ALDH2: variants seen among roughly 807,000 people sequenced by gnomAD.
ALDH2 encodes aldehyde dehydrogenase 2 family member.
A neutral mutation model predicts 59.6 loss-of-function variants in ALDH2; 44 were observed. That is an observed-to-expected ratio of 0.74 (90% CI 0.58 to 0.95). The LOEUF is 0.95. Among genes scored for constraint, ALDH2 ranks in the 40% least tolerant of loss-of-function variants. The pLI, the probability that ALDH2 is intolerant of heterozygous loss-of-function variation, is 0.00. For missense variants in ALDH2, 570 were observed against 696.3 expected, an observed-to-expected ratio of 0.82 and a Z score of 2.04; for synonymous variants, 291 against 284.0, an observed-to-expected ratio of 1.02 and a Z score of -0.25.
intron 1 of ALDH2, 29 bp from the exon 2 acceptor site, chr12:111,781,889 C>G: frequency 3.9e-6 from 6 of 1,541,400 alleles, no homozygotes; most frequent in Non-Finnish European, 5.4e-6. Context: ...GACAGCTGGT[C>G]CTGAGAACTT....
At chr12:111,786,825 G>T (rs2068313969) in intron 4 of ALDH2, among the ~76,000 whole-genome samples, 1 of 152,098 alleles carries the variant, frequency 6.6e-6, no homozygotes, top group Non-Finnish European at 1.5e-5. Context: ...GGGATTACAG[G>T]CATGAGTTAC....
At chr12:111,781,633 G>T (rs998665514) in intron 1 of ALDH2, among the ~76,000 whole-genome samples, 2 of 152,188 alleles carry the variant, frequency 1.3e-5, no homozygotes, top group Non-Finnish European at 2.9e-5. Flanking sequence ...AAGTTTTAGG[G>T]TGCTTTGTTA....
intron 12 of ALDH2, among the ~76,000 whole-genome samples, chr12:111,808,595 C>T (rs1487733442): frequency 6.6e-6 from 1 of 152,038 alleles, no homozygotes; most frequent in Non-Finnish European, 1.5e-5. Flanking sequence ...GTCCCACCTA[C>T]TCGGGAGGCT....
At chr12:111,807,296 A>C (rs1332280600) in intron 12 of ALDH2, among the ~76,000 whole-genome samples, 5 of 151,834 alleles carry the variant, frequency 3.3e-5, no homozygotes, top group Non-Finnish European at 5.9e-5. Context: ...AAAAAAAAAA[A>C]CAGTAGAATG....
chr12:111,783,863 C>G (rs544604410), intron 3 of ALDH2, among the ~76,000 whole-genome samples: 1 of 152,174 alleles, frequency 6.6e-6, no homozygotes, highest in African/African-American at 2.4e-5. Flanking sequence ...GGGAGAGGAG[C>G]TGTGTCAGGG....
Position 111,811,775 on chromosome 12 carries a change from A to G in ALDH2, c.*2200A>G, listed in dbSNP as rs1225531241. The stretch of plus-strand genomic sequence containing the variant: ...AAGTGTGAGCCACCGTGCCCGGCCA[A>G]CTGTAGGGACCAGCCCCACAGGGTC... On this transcript the variant is annotated 3_prime_UTR_variant, in exon 13 of 13. Coordinates refer to ENST00000261733, the MANE Select transcript of ALDH2 (RefSeq NM_000690.4). 6.5e-6 allele frequency: 1 copy of G among 152,904 alleles called. No individual in the cohort carries two copies. Among genetic ancestry groups the G allele is most frequent in the Non-Finnish European group, 1.5e-5 (1 of 68,612 alleles). 9.5% of individuals were successfully genotyped at this position (152,904 alleles called of 1,614,324 possible). A position where few individuals can be genotyped will look rare whatever the true frequency, so the allele number is the denominator to read the frequency against.
chr12:111,777,798 C>G (rs1389156455), intron 1 of ALDH2, among the ~76,000 whole-genome samples: 1 of 152,204 alleles, frequency 6.6e-6, no homozygotes, highest in African/African-American at 2.4e-5. Context: ...ATTGCCACAC[C>G]TGTCCCCACA....
Position 111,766,938 on chromosome 12 carries a change from C to A in ALDH2, c.-45C>A. 2 of 1,489,048 alleles carry A rather than the reference C, an allele frequency of 1.3e-6. No homozygotes were observed. The highest frequency in any genetic ancestry group is 1.8e-6 in the Non-Finnish European group (2 of 1,118,158). 92.2% of individuals were successfully genotyped at this position (1,489,048 alleles called of 1,614,324 possible). A position where few individuals can be genotyped will look rare whatever the true frequency, so the allele number is the denominator to read the frequency against. Reference sequence around the variant, plus strand: ...GGGGTCGGCTCAGTGGCCCTGAGACCCTAGCTCTGCTCTCGGTCCGCTCGC... The same window carrying A: ...GGGGTCGGCTCAGTGGCCCTGAGACACTAGCTCTGCTCTCGGTCCGCTCGC... On this transcript the variant is annotated 5_prime_UTR_variant, in exon 1 of 13. Coordinates refer to ENST00000261733, the MANE Select transcript of ALDH2 (RefSeq NM_000690.4).
intron 1 of ALDH2, among the ~76,000 whole-genome samples, chr12:111,777,465 CTG>C (rs1482514237): frequency 2.6e-5 from 4 of 152,188 alleles, no homozygotes; most frequent in African/African-American, 9.7e-5. Context: ...TAGTGCTTCT[CTG>C]TACTCTCCTA....
At chr12:111,789,004 C>G (rs1258951944) in intron 4 of ALDH2, among the ~76,000 whole-genome samples, 1 of 147,552 alleles carries the variant, frequency 6.8e-6, no homozygotes, top group African/African-American at 2.5e-5. Flanking sequence ...GACCCTGTTT[C>G]TTTCTTTCTT....
chr12:111,804,022 TCTGCTGGTGGCTCGGAGC>T, intron 12 of ALDH2, 49 bp downstream of exon 12: 1 of 1,412,680 alleles, frequency 7.1e-7, no homozygotes, highest in Admixed American at 2.1e-5. Context: ...GGCTTGAGGG[TCTGCTGGTGGCTCGGAGC>T]CTGCTGGGGG....
intron 5 of ALDH2, 125 bp from the exon 6 acceptor site, chr12:111,790,309 G>A (rs1340607107): frequency 6.5e-6 from 8 of 1,234,860 alleles, no homozygotes; most frequent in South Asian, 1.4e-5. Context: ...GATGGAGTTA[G>A]GGGAGGACAC....
intron 1 of ALDH2, among the ~76,000 whole-genome samples, chr12:111,768,583 A>C (rs2068175820): frequency 6.6e-6 from 1 of 152,202 alleles, no homozygotes; most frequent in Non-Finnish European, 1.5e-5. Context: ...CATGCCTGTA[A>C]ATCCCAGCAT....
chr12:111,780,450 C>T (rs541136552), intron 1 of ALDH2, among the ~76,000 whole-genome samples: 25 of 152,356 alleles, frequency 1.6e-4, no homozygotes, highest in African/African-American at 6.0e-4. Flanking sequence ...TTTCTCAAAT[C>T]TACCAGACTT....
At chr12:111,809,037 C>G (rs2068516916) in intron 12 of ALDH2, among the ~76,000 whole-genome samples, 2 of 152,088 alleles carry the variant, frequency 1.3e-5, no homozygotes, top group Non-Finnish European at 2.9e-5. Flanking sequence ...GTTTGGGGTA[C>G]CTGTCCAAAC....
At chr12:111,785,147 G>A (rs777614177) in intron 3 of ALDH2, 120 bp from the exon 4 acceptor site, 10 of 789,918 alleles carry the variant, frequency 1.3e-5, no homozygotes, top group Admixed American at 3.5e-5. Flanking sequence ...GGCACAAAGC[G>A]GACTCTCACC....
At chr12:111,775,192 G>A (rs567255002) in intron 1 of ALDH2, among the ~76,000 whole-genome samples, 18 of 152,278 alleles carry the variant, frequency 1.2e-4, no homozygotes, top group South Asian at 4.1e-4. Flanking sequence ...GCAGTGTCCC[G>A]GTTCTCTGGT....
At chr12:111,809,448 C>T (rs1411876426) in intron 12 of ALDH2, 95 bp from the exon 13 acceptor site, 13 of 1,385,814 alleles carry the variant, frequency 9.4e-6, no homozygotes, top group Admixed American at 5.5e-5. Context: ...AAAAGAAAAG[C>T]CCTTTCTGCT....
At chr12:111,796,271 A>G (rs1593082684) in intron 9 of ALDH2, among the ~76,000 whole-genome samples, 2 of 152,162 alleles carry the variant, frequency 1.3e-5, no homozygotes, top group Non-Finnish European at 2.9e-5. Flanking sequence ...GTGGTGAGCC[A>G]AAATCGTGCC....
Sources: gnomAD v4.1 joint callset for allele counts (sites outside exome capture counted in the v4.1 genomes callset) on GRCh38, gnomAD v4.1.1 for gene constraint, MANE v1.5 for transcripts, NCBI Gene and HGNC (gene_info 2026-07-23, HGNC 2026-07-21) for gene names.